IGFL4: variants seen among roughly 807,000 people sequenced by gnomAD.
IGFL4 encodes the protein IGF like family member 4, also known as insulin growth factor-like family member 4.
A neutral mutation model predicts 15.4 loss-of-function variants in IGFL4; 12 were observed. The ratio of observed to expected loss-of-function variants is 0.78; its 90% CI spans 0.50 to 1.26. IGFL4 has a LOEUF of 1.26. Among genes scored for constraint, IGFL4 ranks in the 50% most tolerant of loss-of-function variants. The probability of loss-of-function intolerance (pLI) is 0.00; values close to 1 mark genes in which losing one functional copy is unlikely to be tolerated. For missense variants in IGFL4, 126 were observed against 147.8 expected (o/e 0.85, Z 0.76); for synonymous variants, 54 against 55.9 (o/e 0.97, Z 0.16).
At chr19:46,077,456 G>C (rs1969619642), upstream of IGFL4, among the ~76,000 whole-genome samples, 1 of 152,222 alleles carries the variant, frequency 6.6e-6, no homozygotes, top group Admixed American at 6.5e-5. This position sits in a 1 kb window ranked among gnomAD's most constrained non-coding sequence, Gnocchi z 5.4. Context: ...GAGGTAGCTC[G>C]GGGGCAGCCA....
intron 1 of IGFL4, among the ~76,000 whole-genome samples, chr19:46,062,317 A>G (rs1242916125): frequency 5.3e-5 from 8 of 152,200 alleles, no homozygotes; most frequent in African/African-American, 1.9e-4. Context: ...GGTCACACAG[A>G]TATAAACCAG....
intron 2 of IGFL4, among the ~76,000 whole-genome samples, chr19:46,050,223 C>G (rs1176167408): frequency 7.9e-5 from 12 of 152,138 alleles, no homozygotes. Context: ...GAGAAAGGAA[C>G]AGAAAAATAA....
chr19:46,054,459 T>G (rs560175959), intron 2 of IGFL4, among the ~76,000 whole-genome samples: 5 of 152,316 alleles, frequency 3.3e-5, no homozygotes, highest in Non-Finnish European at 4.4e-5. Flanking sequence ...GTTCCATTGG[T>G]CTCTGTGTCT....
intron 1 of IGFL4, among the ~76,000 whole-genome samples, chr19:46,068,800 C>T (rs1969518763): frequency 6.6e-6 from 1 of 152,220 alleles, no homozygotes; most frequent in Non-Finnish European, 1.5e-5. Context: ...AGAGATGACT[C>T]AGGCATTTCT....
rs183124338 is a variant in IGFL4 at position 46,066,856 on chromosome 19, C to T, written c.-431-6563G>A. ...ATGAGATTTGGAGAGGACATTCAAC[C>T]TATATCAACCATTTAAATTTAAAGT... On this transcript the variant is annotated intron_variant, in intron 1 of 5. Transcript: ENST00000601672. Among the ~76,000 whole-genome samples the T allele has an allele frequency of 1.5e-4, 23 of 152,334 alleles. 1 individual carries two copies. In the South Asian group the frequency reaches 4.1e-3, roughly 27 times the overall value.
At chr19:46,066,339 A>G (rs1969494296) in intron 1 of IGFL4, among the ~76,000 whole-genome samples, 1 of 152,226 alleles carries the variant, frequency 6.6e-6, no homozygotes, top group African/African-American at 2.4e-5. Context: ...TTAAGTGGGC[A>G]TTCTTATGTT....
chr19:46,046,296 A>G (rs1414888485), intron 2 of IGFL4, among the ~76,000 whole-genome samples: 1 of 152,230 alleles, frequency 6.6e-6, no homozygotes, highest in African/African-American at 2.4e-5. Flanking sequence ...ACCAGCCACT[A>G]CAAAAACACA....
At chr19:46,056,312 TACA>T (rs773657313) in intron 2 of IGFL4, among the ~76,000 whole-genome samples, 1 of 152,216 alleles carries the variant, frequency 6.6e-6, no homozygotes, top group African/African-American at 2.4e-5. Flanking sequence ...GTCTAGTGGT[TACA>T]ACATTAGACA....
chr19:46,051,399 G>C (rs1988421), intron 2 of IGFL4, among the ~76,000 whole-genome samples: 130,443 of 151,970 alleles, frequency 0.86, 56,357 homozygotes, highest in African/African-American at 0.92. Context: ...CAAAAATCAG[G>C]TGGGCGTGGT....
intron 2 of IGFL4, among the ~76,000 whole-genome samples, chr19:46,054,099 CTTT>C (rs1234521173): frequency 6.6e-6 from 1 of 152,094 alleles, no homozygotes; most frequent in Non-Finnish European, 1.5e-5. Flanking sequence ...TTGTGCAGAG[CTTT>C]TTATTTTGAT....
chr19:46,072,704 A>G (rs1167185486), intron 1 of IGFL4, among the ~76,000 whole-genome samples: 2 of 152,256 alleles, frequency 1.3e-5, no homozygotes, highest in African/African-American at 4.8e-5. Context: ...AAGGCAGAAC[A>G]GGGCAGGAGA....
At chr19:46,069,101 C>T (rs144094874) in intron 1 of IGFL4, among the ~76,000 whole-genome samples, 150 of 152,288 alleles carry the variant, frequency 9.8e-4, no homozygotes, top group African/African-American at 3.4e-3. Context: ...GAGAAAATGC[C>T]TCCCTGGAAA....
chr19:46,051,315 C>T lies in IGFL4; in HGVS notation c.-323+8870G>A, dbSNP rs747375063. ...ATCCCAGCACTTTGGGAGGCCAAGG[C>T]GGGTGGATCACCTGAGGTCAGGAGT... is the stretch of plus-strand genomic sequence containing the variant. On this transcript the variant is annotated intron_variant, in intron 2 of 5. Transcript: ENST00000601672. 1.6e-4 allele frequency among the ~76,000 whole-genome samples: 24 copies of T among 152,138 alleles called. 1 individual carries two copies. Among genetic ancestry groups the T allele is most frequent in the Admixed American group, 1.1e-3 (17 of 15,268 alleles).
At chr19:46,064,159 T>G (rs1250494208) in intron 1 of IGFL4, among the ~76,000 whole-genome samples, 1 of 47,192 alleles carries the variant, frequency 2.1e-5, no homozygotes, top group African/African-American at 1.4e-4. Flanking sequence ...GCCAAAATAT[T>G]TATTCTTAAT....
At chr19:46,068,530 A>T (rs1969516180) in intron 1 of IGFL4, among the ~76,000 whole-genome samples, 1 of 152,168 alleles carries the variant, frequency 6.6e-6, no homozygotes, top group Non-Finnish European at 1.5e-5. Context: ...CGCTTTGTTG[A>T]TTCTGTAACC....
At chr19:46,064,970 G>A (rs748153828) in intron 1 of IGFL4, among the ~76,000 whole-genome samples, 2 of 151,924 alleles carry the variant, frequency 1.3e-5, no homozygotes, top group African/African-American at 2.4e-5. Context: ...CTGTCTTAAG[G>A]ATATAAACCA....
chr19:46,043,841 T>TA (rs887863512), upstream of IGFL4, among the ~76,000 whole-genome samples: 1 of 151,542 alleles, frequency 6.6e-6, no homozygotes, highest in South Asian at 2.1e-4. Flanking sequence ...GAAGAAAACA[T>TA]AAAAAAAATC....
At chr19:46,054,382 T>G (rs1375318662) in intron 2 of IGFL4, among the ~76,000 whole-genome samples, 6 of 152,180 alleles carry the variant, frequency 3.9e-5, no homozygotes, top group Non-Finnish European at 7.4e-5. Context: ...CCAATGAGTG[T>G]TCCTGGCACC....
chr19:46,042,848 C>A (rs576447023), upstream of IGFL4, among the ~76,000 whole-genome samples: 254 of 152,336 alleles, frequency 1.7e-3, 3 homozygotes, highest in South Asian at 0.019. Context: ...GAAGCTGTGT[C>A]ATGGCGGCCT....
Sources: gnomAD v4.1 joint callset for allele counts (sites outside exome capture counted in the v4.1 genomes callset) on GRCh38, gnomAD v4.1.1 for gene constraint, Gnocchi (gnomAD v3.1) non-coding constraint, MANE v1.5 for transcripts, NCBI Gene and HGNC (gene_info 2026-07-23, HGNC 2026-07-21) for gene names.